Variants in DLGAP1 observed in about 807,000 individuals in gnomAD.
DLGAP1 encodes DLG associated protein 1.
DLGAP1 carries 11 observed loss-of-function variants against 90.8 expected under a neutral mutation model. The observed-to-expected ratio is 0.12, with a 90% confidence interval of 0.08 to 0.20. The LOEUF (loss-of-function observed/expected upper bound fraction) is 0.20, where lower values mean the gene tolerates loss of function less well. DLGAP1 is among the 10% of genes least tolerant of loss of function. The pLI is 1.00. For missense variants in DLGAP1, 1,050 were observed against 1,333.8 expected (o/e 0.79, Z 3.31); for synonymous variants, 558 against 540.7 (o/e 1.03, Z -0.44).
intron 7 of DLGAP1, among the ~76,000 whole-genome samples, chr18:3,632,216 A>T (rs1044849812): frequency 6.6e-6 from 1 of 151,836 alleles, no homozygotes; most frequent in African/African-American, 2.4e-5. Flanking sequence ...AAAATAAATC[A>T]TTTGTAATTT....
chr18:3,760,161 T>TA (rs1326951785), intron 5 of DLGAP1, among the ~76,000 whole-genome samples: 1 of 152,116 alleles, frequency 6.6e-6, no homozygotes, highest in Non-Finnish European at 1.5e-5. Flanking sequence ...ATATGTTTGT[T>TA]ATGTAAGTGT....
chr18:3,785,127 A>T (rs1462200290), intron 5 of DLGAP1, among the ~76,000 whole-genome samples: 2 of 152,346 alleles, frequency 1.3e-5, no homozygotes, highest in East Asian at 3.9e-4. Context: ...TGATGGAAGT[A>T]GTTTTGAAGA....
chr18:4,419,719 A>G (rs1344401629), intron 1 of DLGAP1, among the ~76,000 whole-genome samples: 3 of 152,076 alleles, frequency 2.0e-5, no homozygotes, highest in Admixed American at 6.6e-5. Flanking sequence ...TTGTAGGTAG[A>G]CTCTACTTGA....
At chr18:4,313,297 A>G (rs527286614) in intron 1 of DLGAP1, among the ~76,000 whole-genome samples, 1 of 152,156 alleles carries the variant, frequency 6.6e-6, no homozygotes, top group Admixed American at 6.5e-5. Context: ...GGTTGGGTGG[A>G]TAGAGAGACC....
At chr18:3,572,147 C>T (rs746555662) in intron 8 of DLGAP1, among the ~76,000 whole-genome samples, 69 of 141,168 alleles carry the variant, frequency 4.9e-4, no homozygotes, top group Non-Finnish European at 2.1e-4. Context: ...GGCGCGATCT[C>T]GGCTCACCGC....
At chr18:3,883,165 A>G (rs1169031988) in intron 3 of DLGAP1, among the ~76,000 whole-genome samples, 1 of 152,196 alleles carries the variant, frequency 6.6e-6, no homozygotes, top group African/African-American at 2.4e-5. Context: ...AATTGCTTGA[A>G]TCCAGGAGGC....
chr18:4,413,695 T>C (rs370325389), intron 1 of DLGAP1, among the ~76,000 whole-genome samples: 14 of 152,300 alleles, frequency 9.2e-5, no homozygotes, highest in East Asian at 7.7e-4. Context: ...AATCTAGTGT[T>C]AGGTATTAGG....
chr18:4,435,474 C>A (rs912485459), intron 1 of DLGAP1, among the ~76,000 whole-genome samples: 2 of 151,782 alleles, frequency 1.3e-5, no homozygotes, highest in Admixed American at 1.3e-4. Context: ...CCTAGAATTG[C>A]AGAAAACAAT....
At chr18:3,735,435 G>A (rs2062599433) in intron 6 of DLGAP1, among the ~76,000 whole-genome samples, 1 of 152,100 alleles carries the variant, frequency 6.6e-6, no homozygotes. Flanking sequence ...ATATTGGCCA[G>A]GCTGATCTGG....
At chr18:4,451,183 T>C (rs1387423765) in intron 1 of DLGAP1, among the ~76,000 whole-genome samples, 1 of 152,178 alleles carries the variant, frequency 6.6e-6, no homozygotes, top group Non-Finnish European at 1.5e-5. Context: ...GGATGGGAAA[T>C]GGTTGGGTCA....
At chr18:4,441,961 A>T (rs1324356071) in intron 1 of DLGAP1, among the ~76,000 whole-genome samples, 2 of 152,208 alleles carry the variant, frequency 1.3e-5, no homozygotes, top group Non-Finnish European at 2.9e-5. Context: ...GTGGTCTGAG[A>T]ACATATTCTG....
At chr18:4,382,606 T>TA (rs982251221) in intron 1 of DLGAP1, among the ~76,000 whole-genome samples, 7 of 151,862 alleles carry the variant, frequency 4.6e-5, no homozygotes, top group Admixed American at 3.3e-4. Context: ...ACTTTGCAAT[T>TA]AAAAAAACCT....
chr18:3,509,260 GC>G (rs2050405003), intron 10 of DLGAP1, among the ~76,000 whole-genome samples: 1 of 152,200 alleles, frequency 6.6e-6, no homozygotes, highest in South Asian at 2.1e-4. Flanking sequence ...AACATGTTCA[GC>G]CTGTGGCCTA....
chr18:3,688,100 G>A (rs900594078), intron 7 of DLGAP1, among the ~76,000 whole-genome samples: 38 of 151,944 alleles, frequency 2.5e-4, no homozygotes, highest in African/African-American at 7.5e-4. Flanking sequence ...TAGTAGAGAC[G>A]CGGTTTCACC....
chr18:3,700,302 A>G (rs1208645404), intron 7 of DLGAP1, among the ~76,000 whole-genome samples: 1 of 152,186 alleles, frequency 6.6e-6, no homozygotes, highest in Non-Finnish European at 1.5e-5. Flanking sequence ...GACCATGGGA[A>G]AAGCATAGTA....
chr18:3,740,361 T>C (rs1181190345), intron 6 of DLGAP1, among the ~76,000 whole-genome samples: 2 of 152,094 alleles, frequency 1.3e-5, no homozygotes, highest in African/African-American at 4.8e-5. Flanking sequence ...GGATAATGTA[T>C]ATCATTGGAC....
At chr18:3,951,270 C>T (rs1380734947) in intron 3 of DLGAP1, among the ~76,000 whole-genome samples, 2 of 152,196 alleles carry the variant, frequency 1.3e-5, no homozygotes, top group Non-Finnish European at 2.9e-5. Context: ...ACATTACACA[C>T]ATATACAAAC....
intron 1 of DLGAP1, among the ~76,000 whole-genome samples, chr18:4,151,861 C>A (rs543753537): frequency 6.6e-6 from 1 of 152,060 alleles, no homozygotes; most frequent in Non-Finnish European, 1.5e-5. Flanking sequence ...CTAATGCATG[C>A]GGGTCTTAAA....
intron 5 of DLGAP1, among the ~76,000 whole-genome samples, chr18:3,763,640 C>T (rs574862474): frequency 6.3e-4 from 95 of 151,606 alleles, no homozygotes; most frequent in Middle Eastern, 3.4e-3. Flanking sequence ...CTTCAGTTAA[C>T]GGGAAATGAA....
Sources: gnomAD v4.1 joint callset for allele counts (sites outside exome capture counted in the v4.1 genomes callset) on GRCh38, gnomAD v4.1.1 for gene constraint, MANE v1.5 for transcripts, NCBI Gene and HGNC (gene_info 2026-07-23, HGNC 2026-07-21) for gene names.